RGS6: variants seen among roughly 807,000 people sequenced by gnomAD.
RGS6 encodes the protein regulator of G-protein signaling 6.
In RGS6, 30 loss-of-function variants were observed where a neutral mutation model predicts 78.5. That is an observed-to-expected ratio of 0.38 (90% CI 0.29 to 0.52). RGS6 has a LOEUF of 0.52. Ranked by LOEUF, RGS6 falls within the 20% of genes least tolerant of loss-of-function variation. The pLI is 0.85. For synonymous variants in RGS6, 206 were observed against 206.0 expected, an observed-to-expected ratio of 1.00 and a Z score of 0.00; for missense variants, 495 against 609.7, an observed-to-expected ratio of 0.81 and a Z score of 1.98.
chr14:72,502,638 G>T (rs2096743231), intron 13 of RGS6, among the ~76,000 whole-genome samples: 1 of 152,142 alleles, frequency 6.6e-6, no homozygotes, highest in South Asian at 2.1e-4. Flanking sequence ...GTGGCAGGCA[G>T]CTGTAATCCC....
chr14:72,057,313 GAAAAAAAAAAAA>G (rs71109718), intron 2 of RGS6, among the ~76,000 whole-genome samples: 7 of 56,174 alleles, frequency 1.2e-4, no homozygotes, highest in African/African-American at 2.2e-4. Context: ...GACTCTATCT[GAAAAAAAAAAAA>G]AAAAAAAAAA....
At chr14:72,368,218 T>TG (rs1392569384) in intron 3 of RGS6, among the ~76,000 whole-genome samples, 1 of 152,118 alleles carries the variant, frequency 6.6e-6, no homozygotes, top group Non-Finnish European at 1.5e-5. Context: ...GAACTGGGGA[T>TG]GGGGGGTGCA....
intron 3 of RGS6, among the ~76,000 whole-genome samples, chr14:72,440,566 C>T (rs1026981890): frequency 3.9e-5 from 6 of 151,974 alleles, no homozygotes; most frequent in African/African-American, 1.5e-4. Context: ...GTACATGCCA[C>T]CATGCCCGGC....
intron 12 of RGS6, 32 bp downstream of exon 12, chr14:72,478,361 C>T (rs762058618): frequency 7.0e-6 from 10 of 1,426,380 alleles, no homozygotes; most frequent in Admixed American, 5.1e-5. Context: ...TTACTACTTT[C>T]TTCTAATTTA....
intron 2 of RGS6, among the ~76,000 whole-genome samples, chr14:72,002,635 T>G (rs1280284024): frequency 6.6e-6 from 1 of 152,076 alleles, no homozygotes; most frequent in Non-Finnish European, 1.5e-5. Flanking sequence ...CTGGGCTCCT[T>G]GGGGATGGCT....
the RGS6 span, among the ~76,000 whole-genome samples, chr14:71,916,880 A>G: frequency 9.6e-3 from 1,459 of 152,376 alleles, 34 homozygotes; most frequent in African/African-American, 0.033. Flanking sequence ...GGCCTGGGAT[A>G]TGAATTTCAA....
At chr14:72,320,726 TTTG>T (rs1191351483) in intron 2 of RGS6, among the ~76,000 whole-genome samples, 3 of 151,534 alleles carry the variant, frequency 2.0e-5, no homozygotes, top group Non-Finnish European at 4.4e-5. Flanking sequence ...TGCAGAAACT[TTTG>T]TTATAGAAAA....
chr14:72,412,561 A>G (rs568966795), intron 3 of RGS6, among the ~76,000 whole-genome samples: 38 of 151,346 alleles, frequency 2.5e-4, no homozygotes, highest in Admixed American at 1.9e-3. Context: ...TTGTGTCTCT[A>G]TCTCCTTCAG....
At chr14:72,442,002 G>C (rs1011907881) in intron 3 of RGS6, among the ~76,000 whole-genome samples, 3 of 152,194 alleles carry the variant, frequency 2.0e-5, no homozygotes, top group Non-Finnish European at 4.4e-5. Flanking sequence ...CCCAGCCATG[G>C]GGTTGAGAAC....
chr14:72,554,649 G>GA (rs2097546710), intron 17 of RGS6, among the ~76,000 whole-genome samples: 1 of 152,268 alleles, frequency 6.6e-6, no homozygotes, highest in African/African-American at 2.4e-5. Context: ...CTTACAGGCA[G>GA]AATGCCACCC....
intron 3 of RGS6, among the ~76,000 whole-genome samples, chr14:72,375,910 G>A (rs2084592892): frequency 6.6e-6 from 1 of 152,096 alleles, no homozygotes; most frequent in Non-Finnish European, 1.5e-5. Context: ...TGGAAGAGGT[G>A]ACTGTTTCAT....
chr14:72,050,750 A>G (rs76335325), intron 2 of RGS6, among the ~76,000 whole-genome samples: 20,830 of 152,228 alleles, frequency 0.14, 1,673 homozygotes, highest in Non-Finnish European at 0.18. Flanking sequence ...TTTTTAAACC[A>G]AACATGAATT....
intron 15 of RGS6, among the ~76,000 whole-genome samples, chr14:72,529,525 A>G (rs1251184800): frequency 6.6e-6 from 1 of 152,042 alleles, no homozygotes; most frequent in Non-Finnish European, 1.5e-5. Flanking sequence ...GTGGTGTCCA[A>G]ACTGCTCCTC....
At chr14:72,277,283 G>C (rs897585533) in intron 2 of RGS6, among the ~76,000 whole-genome samples, 1 of 152,214 alleles carries the variant, frequency 6.6e-6, no homozygotes, top group Non-Finnish European at 1.5e-5. Context: ...GCAGACTCAA[G>C]CATCCATTGT....
chr14:72,280,074 G>C (rs1372056705), intron 2 of RGS6, among the ~76,000 whole-genome samples: 1 of 152,098 alleles, frequency 6.6e-6, no homozygotes, highest in Non-Finnish European at 1.5e-5. Context: ...CATTATTGGA[G>C]GCAGGGGTTG....
intron 17 of RGS6, among the ~76,000 whole-genome samples, chr14:72,544,235 A>T (rs1382537786): frequency 6.6e-6 from 1 of 152,190 alleles, no homozygotes; most frequent in East Asian, 1.9e-4. Context: ...ATCTGGTGAG[A>T]GCTCCAATCT....
intron 3 of RGS6, among the ~76,000 whole-genome samples, chr14:72,389,318 C>T (rs747926162): frequency 1.2e-4 from 18 of 152,156 alleles, no homozygotes; most frequent in Non-Finnish European, 2.2e-4. Context: ...TTAGCATCTA[C>T]TCCTCAGGAG....
chr14:72,351,967 C>G (rs1377693789), intron 2 of RGS6, 128 bp from the exon 3 acceptor site: 2 of 671,418 alleles, frequency 3.0e-6, no homozygotes, highest in Non-Finnish European at 5.1e-6. Flanking sequence ...TATTGACCAA[C>G]TAGATGGGAG....
In RGS6 at chr14:72,081,230, T is replaced by A. The variant is rs985176058; in HGVS notation, c.84+116355T>A. ...TTCAGTGTACAGATTTTTCAATTCC[T>A]GGTTAAATTTACCCCTAAGTACTTT... On this transcript the variant is annotated intron_variant, in intron 2 of 17. Coordinates refer to ENST00000553525, the MANE Select transcript of RGS6 (RefSeq NM_001204424.2). Among the ~76,000 whole-genome samples, 7 of 152,236 alleles carry A rather than the reference T, an allele frequency of 4.6e-5. No individual in the cohort carries two copies. The East Asian group carries it at 1.3e-3, about 29-fold the overall frequency.
Sources: allele counts gnomAD v4.1 joint callset (sites outside exome capture counted in the v4.1 genomes callset), GRCh38; gene constraint gnomAD v4.1.1; transcripts MANE v1.5; gene names NCBI Gene and HGNC (gene_info 2026-07-23, HGNC 2026-07-21).